UNC5A: variants seen among roughly 807,000 people sequenced by gnomAD.
UNC5A encodes netrin receptor UNC5A.
In UNC5A, 20 loss-of-function variants were observed where a neutral mutation model predicts 87.4. The ratio of observed to expected loss-of-function variants is 0.23; its 90% CI spans 0.16 to 0.33. The LOEUF is 0.33. Among genes scored for constraint, UNC5A ranks in the 10% least tolerant of loss-of-function variants. The pLI, the probability that UNC5A is intolerant of heterozygous loss-of-function variation, is 1.00. For synonymous variants in UNC5A, 438 were observed against 482.3 expected, an observed-to-expected ratio of 0.91 and a Z score of 1.20; for missense variants, 844 against 1,133.4, an observed-to-expected ratio of 0.74 and a Z score of 3.67.
intron 8 of UNC5A, 54 bp from the exon 9 acceptor site, chr5:176,877,138 G>C: frequency 7.2e-7 from 1 of 1,394,342 alleles, no homozygotes; most frequent in Non-Finnish European, 1.0e-6. Flanking sequence ...TGTGTGGTGG[G>C]GTGTTGGGTG....
At chr5:176,847,839 C>T (rs1466744306) in intron 1 of UNC5A, among the ~76,000 whole-genome samples, 4 of 151,850 alleles carry the variant, frequency 2.6e-5, no homozygotes, top group Non-Finnish European at 4.4e-5. Context: ...CCCCCGTGTC[C>T]CCCTTCCTCT....
rs1758327917 is a variant in UNC5A, at chr5:176,878,647, G to A, written c.2184+8G>A. The A allele has an allele frequency of 1.2e-6, 2 of 1,608,230 alleles. No homozygotes were observed. Among genetic ancestry groups the A allele is most frequent in the African/African-American group, 1.3e-5 (1 of 74,884 alleles). On this transcript the variant is annotated splice_region_variant and intron_variant, in intron 13 of 14. Coordinates refer to ENST00000329542, the MANE Select transcript of UNC5A (RefSeq NM_133369.3). Reference sequence around the variant, plus strand: ...AACTTCAACATCACCAAGGTGGACGGGAGGGGCTGCCGCACCGCCGTGACG... The same window carrying A: ...AACTTCAACATCACCAAGGTGGACGAGAGGGGCTGCCGCACCGCCGTGACG...
chr5:176,870,543 T>A lies in UNC5A; in HGVS notation c.886+9T>A. 1 of 1,572,946 alleles carries A rather than the reference T, an allele frequency of 6.4e-7. No homozygotes were observed. The highest frequency in any genetic ancestry group is 8.7e-7 in the Non-Finnish European group (1 of 1,153,306). Reference sequence around the variant, plus strand: ...TGACCTCTGTGTACACAGTGAGTCCTCTCTGCCCTGAGGTCCTCTTCTGTT... The same window carrying A: ...TGACCTCTGTGTACACAGTGAGTCCACTCTGCCCTGAGGTCCTCTTCTGTT... On this transcript the variant is annotated intron_variant, in intron 6 of 14. Transcript: ENST00000329542.
In UNC5A at chr5:176,862,736, G is replaced by C. The variant is rs368773230; in HGVS notation, c.183G>C (p.Val61=). The C allele has an allele frequency of 2.0e-5, 33 of 1,613,536 alleles. No homozygotes were observed. In the African/African-American group the frequency reaches 3.7e-4, roughly 18 times the overall value. The change falls in exon 2 of 15, where the codon GTG becomes GTC. Residue 61 remains valine (V), a synonymous_variant. Coordinates refer to ENST00000329542, the MANE Select transcript of UNC5A (RefSeq NM_133369.3). ...TGTACATCGTCAAGAACAAGCCAGT[G>C]CTGCTTGTGTGCAAGGCCGTGCCCG... ...EDVYIVKNKP[V]LLVCKAVPAT... is the part of the protein sequence containing the mutation.
chr5:176,830,169 C>T (rs1447909411), intron 1 of UNC5A, among the ~76,000 whole-genome samples: 1 of 152,146 alleles, frequency 6.6e-6, no homozygotes, highest in Non-Finnish European at 1.5e-5. Context: ...TAAGGGGCTC[C>T]CTAGGCCTTC....
chr5:176,862,989 G>T (rs1757880060), intron 2 of UNC5A, 144 bp downstream of exon 2: 1 of 908,186 alleles, frequency 1.1e-6, no homozygotes, highest in Middle Eastern at 3.2e-4. Flanking sequence ...GCAGTTTGGG[G>T]AGAAGGAGGG....
chr5:176,872,195 C>A (rs1412207216), intron 6 of UNC5A, among the ~76,000 whole-genome samples: 4 of 78,084 alleles, frequency 5.1e-5, no homozygotes, highest in Non-Finnish European at 1.1e-4. Flanking sequence ...CCACAGCTTC[C>A]CATCTGCCCA....
rs1190207194 is a variant in UNC5A, at chr5:176,838,238, G to A, written c.71-24386G>A. Among the ~76,000 whole-genome samples the A allele has an allele frequency of 2.6e-5, 4 of 152,160 alleles. No individual in the cohort carries two copies. Among genetic ancestry groups the A allele is most frequent in the Non-Finnish European group, 5.9e-5 (4 of 68,030 alleles). ...GAGGTGGGAAGTAGGGATTGGTGAG[G>A]CCTAATTCAGATGGTATTTTAGGAT... On this transcript the variant is annotated intron_variant, in intron 1 of 14. Transcript: ENST00000329542. The surrounding 1 kb of genome is among the most constrained non-coding windows in gnomAD (Gnocchi z 4.2).
chr5:176,816,607 C>A (rs1756594249), intron 1 of UNC5A, among the ~76,000 whole-genome samples: 2 of 152,270 alleles, frequency 1.3e-5, no homozygotes, highest in Admixed American at 1.3e-4. Flanking sequence ...GGCCAGCCCC[C>A]AAGAGTGCAC....
In UNC5A at chr5:176,816,096, C is replaced by T. The variant is rs958433989; in HGVS notation, c.70+5276C>T. Among the ~76,000 whole-genome samples the T allele has an allele frequency of 2.0e-5, 3 of 152,256 alleles. No homozygotes were observed. In the East Asian group the frequency reaches 5.8e-4, roughly 29 times the overall value. On this transcript the variant is annotated intron_variant, in intron 1 of 14. Transcript: ENST00000329542. ...TAACCTCTCTGGGCTGTTTGCCTCT[C>T]TGTATACTAAAGGGTGTAGTATACC...
At chr5:176,878,168 C>T in intron 11 of UNC5A, 41 bp downstream of exon 11, 2 of 1,603,970 alleles carry the variant, frequency 1.2e-6, no homozygotes, top group South Asian at 2.2e-5. Context: ...GGAGGCCGAG[C>T]TATGCCTGGC....
intron 1 of UNC5A, among the ~76,000 whole-genome samples, chr5:176,831,595 A>C (rs1757026742): frequency 6.6e-6 from 1 of 151,942 alleles, no homozygotes. Context: ...TCTCGCCACC[A>C]CTCGGCTCTG....
At chr5:176,816,793 G>C (rs770850717) in intron 1 of UNC5A, among the ~76,000 whole-genome samples, 9 of 152,282 alleles carry the variant, frequency 5.9e-5, no homozygotes, top group Non-Finnish European at 1.3e-4. Context: ...TGCCATGGCA[G>C]AGGGCACTGT....
intron 1 of UNC5A, among the ~76,000 whole-genome samples, chr5:176,842,874 A>G (rs1339768943): frequency 6.6e-6 from 1 of 152,048 alleles, no homozygotes; most frequent in Non-Finnish European, 1.5e-5. Flanking sequence ...TTTTTTTTAC[A>G]AAAAGGGCTA....
chr5:176,829,835 T>G (rs1756956254), intron 1 of UNC5A, among the ~76,000 whole-genome samples: 1 of 148,412 alleles, frequency 6.7e-6, no homozygotes, highest in Admixed American at 6.8e-5. Context: ...ACGGGGCTGG[T>G]TCATTACCAC....
At chr5:176,876,443 G>A (rs577650719) in intron 8 of UNC5A, among the ~76,000 whole-genome samples, 1 of 152,290 alleles carries the variant, frequency 6.6e-6, no homozygotes, top group East Asian at 1.9e-4. Flanking sequence ...TCATGTAAGG[G>A]CTCCCTGTCT....
At chr5:176,815,161 TTG>T (rs1357930026) in intron 1 of UNC5A, among the ~76,000 whole-genome samples, 1 of 152,232 alleles carries the variant, frequency 6.6e-6, no homozygotes, top group African/African-American at 2.4e-5. Flanking sequence ...GAATGTTTTC[TTG>T]AGCAAATGGT....
intron 11 of UNC5A, 22 bp downstream of exon 11, chr5:176,878,149 C>T (rs777040345): frequency 6.2e-7 from 1 of 1,604,512 alleles, no homozygotes; most frequent in East Asian, 2.2e-5. Context: ...CCCTCACCCC[C>T]CGCCGCTGGG....
intron 6 of UNC5A, among the ~76,000 whole-genome samples, chr5:176,872,829 A>G (rs1363975260): frequency 2.1e-4 from 22 of 102,776 alleles, no homozygotes; most frequent in African/African-American, 8.0e-4. Flanking sequence ...TCGCCCCAAC[A>G]CCACAGCTTC....
Sources: allele counts gnomAD v4.1 joint callset (sites outside exome capture counted in the v4.1 genomes callset), GRCh38; gene constraint gnomAD v4.1.1; non-coding constraint Gnocchi (gnomAD v3.1); transcripts MANE v1.5; gene names NCBI Gene and HGNC (gene_info 2026-07-23, HGNC 2026-07-21).